DOCK1: variants seen among roughly 807,000 people sequenced by gnomAD.
DOCK1 encodes dedicator of cytokinesis 1, also known as dedicator of cytokinesis protein 1.
In DOCK1, 138 loss-of-function variants were observed where a neutral mutation model predicts 262.7. The observed-to-expected ratio is 0.53, with a 90% CI of 0.46 to 0.61. The LOEUF is 0.61. Among genes scored for constraint, DOCK1 ranks in the 20% least tolerant of loss-of-function variants. The pLI, the probability that DOCK1 is intolerant of heterozygous loss-of-function variation, is 0.00. For synonymous variants in DOCK1, 866 were observed against 867.4 expected, an observed-to-expected ratio of 1.00 and a Z score of 0.03; for missense variants, 1,908 against 2,370.7, an observed-to-expected ratio of 0.80 and a Z score of 4.05.
At chr10:127,050,128 A>T (rs2135716801) in intron 21 of DOCK1, among the ~76,000 whole-genome samples, 1 of 151,796 alleles carries the variant, frequency 6.6e-6, no homozygotes, top group South Asian at 2.1e-4. Context: ...TACTAGTCAG[A>T]TCATGCGGCA....
chr10:127,262,228 G>GTC (rs1564947255), intron 29 of DOCK1, among the ~76,000 whole-genome samples: 210 of 150,706 alleles, frequency 1.4e-3, no homozygotes, highest in African/African-American at 4.8e-3. Flanking sequence ...GTGTGTGTGT[G>GTC]TACCCGTGCT....
intron 46 of DOCK1, among the ~76,000 whole-genome samples, chr10:127,421,342 C>T (rs1354234054): frequency 2.6e-5 from 4 of 152,052 alleles, no homozygotes; most frequent in African/African-American, 7.2e-5. Flanking sequence ...AGCCAAGGTA[C>T]GAGTCCTCTT....
At chr10:127,209,655 T>C (rs182854855) in intron 27 of DOCK1, among the ~76,000 whole-genome samples, 6 of 152,280 alleles carry the variant, frequency 3.9e-5, no homozygotes, top group African/African-American at 1.4e-4. Context: ...AAATGATGGA[T>C]TTGAAAAACG....
chr10:127,099,910 G>C (rs967181954), intron 23 of DOCK1, among the ~76,000 whole-genome samples: 2 of 152,182 alleles, frequency 1.3e-5, no homozygotes, highest in African/African-American at 4.8e-5. Flanking sequence ...ACTTGGGTGG[G>C]GCGGCAGAGC....
chr10:127,327,082 T>A (rs2062776460), intron 29 of DOCK1, among the ~76,000 whole-genome samples: 2 of 152,228 alleles, frequency 1.3e-5, no homozygotes, highest in Non-Finnish European at 1.5e-5. Flanking sequence ...CAGAGTAGAT[T>A]TAGCATAATT....
chr10:127,361,829 A>C (rs1416128037), intron 32 of DOCK1, among the ~76,000 whole-genome samples: 1 of 152,210 alleles, frequency 6.6e-6, no homozygotes, highest in African/African-American at 2.4e-5. Flanking sequence ...TTACAGGCTT[A>C]TACCGCGCGG....
chr10:127,283,864 A>G (rs1032360059), intron 29 of DOCK1, among the ~76,000 whole-genome samples: 1 of 152,190 alleles, frequency 6.6e-6, no homozygotes, highest in Non-Finnish European at 1.5e-5. Flanking sequence ...TATGGTTTCT[A>G]TATTTTGCAT....
intron 29 of DOCK1, among the ~76,000 whole-genome samples, chr10:127,282,039 A>C (rs2060979362): frequency 6.6e-6 from 1 of 152,202 alleles, no homozygotes; most frequent in African/African-American, 2.4e-5. Flanking sequence ...ATCTGTGCAT[A>C]AATCTCATGT....
intron 38 of DOCK1, 144 bp from the exon 39 acceptor site, chr10:127,402,910 AT>A: frequency 1.2e-6 from 1 of 824,342 alleles, no homozygotes; most frequent in South Asian, 1.6e-5. Flanking sequence ...TCAAGAAAAT[AT>A]TTGTATTTTT....
chr10:127,231,022 T>C lies in DOCK1; in HGVS notation c.2848-16986T>C, dbSNP rs77286756. Among the ~76,000 whole-genome samples, 709 of 152,304 alleles carry C rather than the reference T, an allele frequency of 4.7e-3. 25 individuals are homozygous for C. In the East Asian group the frequency reaches 0.099, roughly 21 times the overall value. Reference sequence around the variant, plus strand: ...GTTTTCAGTGTACAGATCTCTCTCTTTCTTGGTTTAATTATTCCTAAGTCT... The same window carrying C: ...GTTTTCAGTGTACAGATCTCTCTCTCTCTTGGTTTAATTATTCCTAAGTCT... On this transcript the variant is annotated intron_variant, in intron 27 of 51. Transcript: ENST00000623213.
intron 6 of DOCK1, among the ~76,000 whole-genome samples, chr10:126,994,477 G>A (rs1170262091): frequency 1.3e-5 from 2 of 152,326 alleles, no homozygotes; most frequent in Middle Eastern, 3.4e-3. Flanking sequence ...GCCTTCCGCA[G>A]TGTTTGTGTC....
intron 27 of DOCK1, among the ~76,000 whole-genome samples, chr10:127,173,002 T>C (rs994619163): frequency 6.6e-6 from 1 of 152,190 alleles, no homozygotes; most frequent in Non-Finnish European, 1.5e-5. Context: ...GCCACTGTAT[T>C]GGATAGAGCA....
At chr10:127,410,368 G>A (rs753351174) in intron 42 of DOCK1, among the ~76,000 whole-genome samples, 12 of 152,170 alleles carry the variant, frequency 7.9e-5, no homozygotes, top group African/African-American at 2.2e-4. Flanking sequence ...GTCTCTCCAC[G>A]CCCTGCCCTG....
chr10:127,216,876 A>C (rs1183965707), intron 27 of DOCK1, among the ~76,000 whole-genome samples: 3 of 152,158 alleles, frequency 2.0e-5, no homozygotes, highest in African/African-American at 7.2e-5. Flanking sequence ...CACAGATGTG[A>C]CTTTTTCTTT....
At chr10:127,332,660 C>T (rs2063035704) in intron 29 of DOCK1, among the ~76,000 whole-genome samples, 1 of 152,204 alleles carries the variant, frequency 6.6e-6, no homozygotes, top group Non-Finnish European at 1.5e-5. Context: ...AGGCAGATCC[C>T]ACCCAGTCCC....
rs143176564 is a variant in DOCK1 at position 127,175,794 on chromosome 10, G to A, written c.2847+48030G>A. ...GAGCGCAGCTTCTCCATAGCTGAGC[G>A]GCTCCGGGCTTTTACAGGGCTCTGT... On this transcript the variant is annotated intron_variant, in intron 27 of 51. Transcript: ENST00000623213. This position sits in a 1 kb window ranked among gnomAD's most constrained non-coding sequence, Gnocchi z 6.3. 4.3e-5 allele frequency: 69 copies of A among 1,614,094 alleles called. No homozygotes were observed. Among genetic ancestry groups the A allele is most frequent in the South Asian group, 2.0e-4 (18 of 91,078 alleles).
intron 1 of DOCK1, among the ~76,000 whole-genome samples, chr10:126,915,860 C>G (rs975771821): frequency 1.3e-5 from 2 of 151,754 alleles, no homozygotes; most frequent in Non-Finnish European, 2.9e-5. Flanking sequence ...CTTTTGGCCT[C>G]AGAAGGCTGT....
intron 29 of DOCK1, among the ~76,000 whole-genome samples, chr10:127,285,191 C>T (rs1286885893): frequency 6.6e-6 from 1 of 152,156 alleles, no homozygotes; most frequent in Non-Finnish European, 1.5e-5. Context: ...TATTCATTTT[C>T]TGATTTTTCT....
At chr10:127,220,196 T>C (rs2058373214) in intron 27 of DOCK1, among the ~76,000 whole-genome samples, 1 of 151,500 alleles carries the variant, frequency 6.6e-6, no homozygotes, top group Non-Finnish European at 1.5e-5. Flanking sequence ...TCTGTCTCAG[T>C]TGATGTGATA....
Sources: allele counts gnomAD v4.1 joint callset (sites outside exome capture counted in the v4.1 genomes callset), GRCh38; gene constraint gnomAD v4.1.1; non-coding constraint Gnocchi (gnomAD v3.1); transcripts MANE v1.5; gene names NCBI Gene and HGNC (gene_info 2026-07-23, HGNC 2026-07-21).